The following SGCG variants were observed in gnomAD, a reference collection of about 807,000 sequenced individuals.
SGCG encodes sarcoglycan gamma, also known as gamma-sarcoglycan.
In SGCG, 26 loss-of-function variants were observed where a neutral mutation model predicts 29.3. The ratio of observed to expected loss-of-function variants is 0.89; its 90% CI spans 0.65 to 1.23. The LOEUF (loss-of-function observed/expected upper bound fraction) is 1.23. SGCG is among the 50% of genes most tolerant of loss of function. The pLI, the probability that SGCG is intolerant of heterozygous loss-of-function variation, is 0.00. For synonymous variants in SGCG, 145 were observed against 129.7 expected (o/e 1.12, Z -0.80); for missense variants, 353 against 356.0 (o/e 0.99, Z 0.07).
chr13:23,179,153 T>C (rs1161663278), upstream of SGCG, among the ~76,000 whole-genome samples: 1 of 152,242 alleles, frequency 6.6e-6, no homozygotes, highest in East Asian at 1.9e-4. Context: ...CTCTTGGAGC[T>C]TTAAAGTATT....
At chr13:23,217,168 A>T (rs570276378) in intron 2 of SGCG, among the ~76,000 whole-genome samples, 8 of 152,092 alleles carry the variant, frequency 5.3e-5, no homozygotes, top group African/African-American at 1.9e-4. Flanking sequence ...TTTATCCTCA[A>T]ATAGTTTCCT....
upstream of SGCG, among the ~76,000 whole-genome samples, chr13:23,177,125 A>C (rs572770454): frequency 1.6e-4 from 24 of 152,280 alleles, 1 homozygote; most frequent in African/African-American, 4.8e-4. Flanking sequence ...CAAGCATGAA[A>C]AGACAAATAC....
chr13:23,287,410 G>T (rs954056444), intron 5 of SGCG, among the ~76,000 whole-genome samples: 10 of 138,888 alleles, frequency 7.2e-5, no homozygotes, highest in African/African-American at 2.6e-4. Context: ...AGAACTGAAT[G>T]AATTCTGCCA....
chr13:23,169,385 A>G, the SGCG span, among the ~76,000 whole-genome samples: 1 of 140,112 alleles, frequency 7.1e-6, no homozygotes, highest in Non-Finnish European at 1.6e-5. Context: ...ACCCTGTGGA[A>G]AAAAAAAAAA....
intron 2 of SGCG, among the ~76,000 whole-genome samples, chr13:23,213,493 A>T (rs1023484201): frequency 1.6e-4 from 24 of 152,178 alleles, no homozygotes; most frequent in Admixed American, 6.5e-5. Flanking sequence ...AAAATAAATA[A>T]GAAAAGATGA....
chr13:23,240,863 A>G (rs959242954), intron 3 of SGCG, among the ~76,000 whole-genome samples: 2 of 152,168 alleles, frequency 1.3e-5, no homozygotes, highest in African/African-American at 4.8e-5. Flanking sequence ...ATTAAAAAAG[A>G]AGAAAATTGG....
At position 23,324,607 on chromosome 13, in the gene SGCG, T is replaced by A; in HGVS notation, c.*66T>A. 7.0e-7 allele frequency: 1 copy of A among 1,429,294 alleles called. No individual in the cohort carries two copies. Among genetic ancestry groups the A allele is most frequent in the Non-Finnish European group, 9.7e-7 (1 of 1,025,836 alleles). The allele number at this position is 1,429,294 out of a possible 1,614,324, so 88.5% of individuals were successfully genotyped here. The stretch of plus-strand genomic sequence containing the variant: ...CAGATCCTCACACCCAGGGAGCAGC[T>A]GCACATCGTGAAAGACTGAGGCAGC... On this transcript the variant is annotated 3_prime_UTR_variant, in exon 8 of 8. Transcript: ENST00000218867.
chr13:23,221,800 G>A (rs1878666282), intron 2 of SGCG, among the ~76,000 whole-genome samples: 1 of 152,206 alleles, frequency 6.6e-6, no homozygotes, highest in South Asian at 2.1e-4. Flanking sequence ...GAAGTTTCCT[G>A]TGGCTAAAAG....
At chr13:23,263,658 C>T (rs895215264) in intron 4 of SGCG, among the ~76,000 whole-genome samples, 1 of 151,928 alleles carries the variant, frequency 6.6e-6, no homozygotes, top group African/African-American at 2.4e-5. Flanking sequence ...CTAATATCCC[C>T]AAAGAATATA....
At chr13:23,297,671 C>T (rs1286781079) in intron 6 of SGCG, among the ~76,000 whole-genome samples, 4 of 152,152 alleles carry the variant, frequency 2.6e-5, no homozygotes, top group African/African-American at 4.8e-5. Context: ...AACCTTCCAG[C>T]GTGGGCGTTA....
chr13:23,242,818 C>T (rs1262855106), intron 3 of SGCG, among the ~76,000 whole-genome samples: 2 of 152,004 alleles, frequency 1.3e-5, no homozygotes, highest in African/African-American at 4.8e-5. Context: ...CTATAACTTA[C>T]ATACATAGTA....
chr13:23,308,534 T>C (rs1456274245), intron 6 of SGCG, among the ~76,000 whole-genome samples: 3 of 152,024 alleles, frequency 2.0e-5, no homozygotes, highest in African/African-American at 7.3e-5. Context: ...TTCTTCAGAG[T>C]TGTATTGGCT....
chr13:23,260,759 A>C (rs1191924469), intron 4 of SGCG, among the ~76,000 whole-genome samples: 1 of 151,902 alleles, frequency 6.6e-6, no homozygotes, highest in Non-Finnish European at 1.5e-5. Context: ...AAAATCTCTC[A>C]GCATTTGCTT....
intron 4 of SGCG, among the ~76,000 whole-genome samples, chr13:23,255,496 G>A (rs1482292804): frequency 1.3e-5 from 2 of 152,198 alleles, no homozygotes; most frequent in Non-Finnish European, 2.9e-5. Context: ...AATGTGAGAA[G>A]AATGTGAGAT....
chr13:23,202,702 T>C (rs1877813349), intron 1 of SGCG, among the ~76,000 whole-genome samples: 1 of 152,206 alleles, frequency 6.6e-6, no homozygotes, highest in Non-Finnish European at 1.5e-5. Flanking sequence ...AAACGCCTAT[T>C]GTTAAATTGG....
intron 6 of SGCG, among the ~76,000 whole-genome samples, chr13:23,295,995 G>GC (rs34453835): frequency 6.6e-6 from 1 of 152,122 alleles, no homozygotes; most frequent in Non-Finnish European, 1.5e-5. Flanking sequence ...TCCCTGGGGT[G>GC]CCCCCCTCCC....
chr13:23,249,907 G>A (rs753471101), intron 3 of SGCG, among the ~76,000 whole-genome samples: 3 of 152,116 alleles, frequency 2.0e-5, no homozygotes, highest in South Asian at 2.1e-4. Flanking sequence ...GCTTGCAGTG[G>A]GGAAAAAAGT....
At chr13:23,267,784 T>G (rs1223517606) in intron 4 of SGCG, 2 of 152,198 alleles carry the variant, frequency 1.3e-5, no homozygotes, top group Non-Finnish European at 2.9e-5. Context: ...CAGTGTTATC[T>G]TAAGTGTGTG....
chr13:23,242,548 C>T (rs1298075405), intron 3 of SGCG, among the ~76,000 whole-genome samples: 1 of 152,140 alleles, frequency 6.6e-6, no homozygotes, highest in Non-Finnish European at 1.5e-5. Context: ...AGTGTTGACA[C>T]AACAGCTGTA....
Sources: allele counts gnomAD v4.1 joint callset (sites outside exome capture counted in the v4.1 genomes callset), GRCh38; gene constraint gnomAD v4.1.1; transcripts MANE v1.5; gene names NCBI Gene and HGNC (gene_info 2026-07-23, HGNC 2026-07-21).